RASA1: variants seen among roughly 807,000 people sequenced by gnomAD.
The protein encoded by RASA1 is ras GTPase-activating protein 1.
Under a neutral mutation model 132.2 loss-of-function variants are expected in RASA1, and 25 were observed. That is an observed-to-expected ratio of 0.19 (90% confidence interval 0.14 to 0.26). The LOEUF is 0.26. Ranked by LOEUF, RASA1 falls within the 10% of genes least tolerant of loss-of-function variation. The pLI is 1.00. For synonymous variants in RASA1, 477 were observed against 449.9 expected (o/e 1.06, Z -0.76); for missense variants, 964 against 1,299.2 (o/e 0.74, Z 3.97).
intron 13 of RASA1, 114 bp downstream of exon 13, chr5:87,372,309 T>C (rs185188734): frequency 1.1e-6 from 1 of 913,818 alleles, no homozygotes; most frequent in African/African-American, 1.7e-5. Context: ...TAAGCCATGC[T>C]GCCACTTGCT....
At chr5:87,357,287 G>A (rs1439744052) in intron 9 of RASA1, among the ~76,000 whole-genome samples, 1 of 151,942 alleles carries the variant, frequency 6.6e-6, no homozygotes, top group South Asian at 2.1e-4. Flanking sequence ...ATGGGTGAGT[G>A]CTTTTTAGAC....
chr5:87,336,033 A>G (rs1184723332), intron 4 of RASA1, among the ~76,000 whole-genome samples: 6 of 152,200 alleles, frequency 3.9e-5, no homozygotes, highest in Non-Finnish European at 7.3e-5. Context: ...CCTTTTCACA[A>G]CTACATTCTT....
At chr5:87,287,606 C>T (rs183868922) in intron 1 of RASA1, among the ~76,000 whole-genome samples, 1,558 of 146,820 alleles carry the variant, frequency 0.011, 8 homozygotes, top group Non-Finnish European at 0.017. Flanking sequence ...ATATACACGC[C>T]ATATATATAC....
rs1762460105 is a variant in RASA1 at position 87,390,815 on chromosome 5, C to T, written c.3076C>T (p.Leu1026Phe). ...RGAQQHVLKK[L>F]LAITELLQQK... ...CTCTGTCTAGCACGTATTGAAAAAG[C>T]TTCTGGCTATAACAGAACTGCTTCA... is the stretch of plus-strand genomic sequence containing the variant. The change falls in exon 25 of 25, where the codon CTT becomes TTT. Residue 1026 changes from leucine (L) to phenylalanine (F), a missense_variant. This residue lies in a region of RASA1 where 107 missense variants were observed against 163.8 expected (regional missense o/e 0.65). Transcript: ENST00000274376. 2 of 1,612,846 alleles carry T rather than the reference C, an allele frequency of 1.2e-6. No individual in the cohort carries two copies. The highest frequency in any genetic ancestry group is 1.7e-6 in the Non-Finnish European group (2 of 1,178,906).
In RASA1 at chr5:87,294,998, T is replaced by G. The variant is rs187386809; in HGVS notation, c.539+26008T>G. Reference sequence around the variant, plus strand: ...TATGTATTTCCTCTTGAAGTTCTGGTTTTTTTTTATTTTTACTCTTCATTG... The same window carrying G: ...TATGTATTTCCTCTTGAAGTTCTGGGTTTTTTTTATTTTTACTCTTCATTG... On this transcript the variant is annotated intron_variant, in intron 1 of 24. Transcript: ENST00000274376. Among the ~76,000 whole-genome samples the G allele has an allele frequency of 2.7e-3, 406 of 151,752 alleles. 5 individuals are homozygous for G. The highest frequency in any genetic ancestry group is 8.3e-3 in the East Asian group (43 of 5,172).
chr5:87,305,981 G>C (rs939244952), intron 1 of RASA1, among the ~76,000 whole-genome samples: 2 of 152,224 alleles, frequency 1.3e-5, no homozygotes, highest in Non-Finnish European at 2.9e-5. Flanking sequence ...ATGCTGGCGA[G>C]GTTGTGGAGA....
chr5:87,291,925 T>C (rs1335934275), intron 1 of RASA1, among the ~76,000 whole-genome samples: 3 of 152,244 alleles, frequency 2.0e-5, no homozygotes, highest in Non-Finnish European at 4.4e-5. Flanking sequence ...CTAATGCATA[T>C]GATATTGAAC....
chr5:87,338,535 A>ATTTTTTTTTTTT (rs1561292521), intron 5 of RASA1, among the ~76,000 whole-genome samples: 1 of 95,884 alleles, frequency 1.0e-5, no homozygotes, highest in African/African-American at 4.8e-5. Flanking sequence ...ATATATATAA[A>ATTTTTTTTTTTT]ATTTTTTTTT....
At chr5:87,376,173 ACATCT>A (rs1761312822) in intron 15 of RASA1, 1 of 588,884 alleles carries the variant, frequency 1.7e-6, no homozygotes, top group African/African-American at 1.9e-5. Context: ...CTCAAAGAAC[ACATCT>A]CAATCATCTC....
At position 87,268,902 on chromosome 5, in the gene RASA1, G is replaced by C; in HGVS notation, c.451G>C (p.Gly151Arg). The change falls in exon 1 of 25, where the codon GGG becomes CGG. Residue 151 changes from glycine to arginine, a missense_variant. By Grantham distance (125) the Gly-to-Arg change is moderately radical. Around this residue, in one of 6 missense-constraint regions of RASA1, gnomAD observed 326 missense variants for 275.8 expected, o/e 1.18. Coordinates refer to ENST00000274376, the MANE Select transcript of RASA1 (RefSeq NM_002890.3). ...PYLPPLGAGL[G>R]TVDEGDSLDG... ...CCTGCCCCCTTTGGGGGCGGGCCTCGGGACAGTGGACGAAGGTGACTCTCT... is the reference window on the plus strand; with the variant it reads ...CCTGCCCCCTTTGGGGGCGGGCCTCCGGACAGTGGACGAAGGTGACTCTCT... 6.2e-7 allele frequency: 1 copy of C among 1,614,182 alleles called. No homozygotes were observed.
chr5:87,383,660 CATT>C, intron 20 of RASA1, 50 bp from the exon 21 acceptor site: 3 of 1,320,096 alleles, frequency 2.3e-6, no homozygotes, highest in Non-Finnish European at 2.1e-6. Flanking sequence ...TAATGTAACA[CATT>C]ATATAGGTGT....
chr5:87,372,496 T>C (rs1761019883), intron 13 of RASA1, among the ~76,000 whole-genome samples: 1 of 152,174 alleles, frequency 6.6e-6, no homozygotes, highest in African/African-American at 2.4e-5. Flanking sequence ...TTTTGGCCTC[T>C]TTCAAAAAAG....
At chr5:87,311,390 A>G (rs530073959) in intron 1 of RASA1, among the ~76,000 whole-genome samples, 2 of 152,310 alleles carry the variant, frequency 1.3e-5, no homozygotes, top group East Asian at 3.9e-4. Context: ...TTCTGATGAG[A>G]TTGATGGTTG....
chr5:87,284,534 T>C (rs1158428922), intron 1 of RASA1, among the ~76,000 whole-genome samples: 1 of 152,200 alleles, frequency 6.6e-6, no homozygotes, highest in Non-Finnish European at 1.5e-5. Flanking sequence ...CTAATCCAGG[T>C]ATCTGGAGTG....
chr5:87,302,653 A>G (rs991721652), intron 1 of RASA1, among the ~76,000 whole-genome samples: 5 of 150,940 alleles, frequency 3.3e-5, no homozygotes, highest in African/African-American at 4.9e-5. Flanking sequence ...TGTTCAACGC[A>G]ATGAGTTTTA....
chr5:87,313,582 A>G (rs1270433632), intron 1 of RASA1, among the ~76,000 whole-genome samples: 4 of 152,214 alleles, frequency 2.6e-5, no homozygotes, highest in Non-Finnish European at 5.9e-5. Context: ...GCCATGTGCT[A>G]GACTAGAGAA....
intron 1 of RASA1, among the ~76,000 whole-genome samples, chr5:87,278,476 G>A (rs1031304986): frequency 2.6e-5 from 4 of 151,970 alleles, no homozygotes. Flanking sequence ...AACCTGGGAG[G>A]CAGAGTTTGC....
intron 9 of RASA1, 46 bp from the exon 10 acceptor site, chr5:87,362,505 T>A: frequency 1.9e-6 from 3 of 1,545,720 alleles, no homozygotes; most frequent in Non-Finnish European, 2.7e-6. Flanking sequence ...TTACTTCATT[T>A]CCATCAAGAA....
rs942574056 is a variant in RASA1, at chr5:87,391,738, C to T, written c.*855C>T. 1 of 232,562 alleles carries T rather than the reference C, an allele frequency of 4.3e-6. No homozygotes were observed. The allele number at this position is 232,562 out of a possible 1,614,324, so 14.4% of individuals were successfully genotyped here. A position where few individuals can be genotyped will look rare whatever the true frequency, so the allele number is the denominator to read the frequency against. On this transcript the variant is annotated 3_prime_UTR_variant, in exon 25 of 25. Coordinates refer to ENST00000274376, the MANE Select transcript of RASA1 (RefSeq NM_002890.3). Reference sequence around the variant, plus strand: ...TTATTTGTTCATTATTTGTGCTACCCCTTTGATTATGCAGACAACCTCATC... The same window carrying T: ...TTATTTGTTCATTATTTGTGCTACCTCTTTGATTATGCAGACAACCTCATC...
Sources: allele counts gnomAD v4.1 joint callset (sites outside exome capture counted in the v4.1 genomes callset), GRCh38; gene constraint gnomAD v4.1.1; regional missense constraint gnomAD v4.1.1; transcripts MANE v1.5; gene names NCBI Gene and HGNC (gene_info 2026-07-23, HGNC 2026-07-21).